TCHH: variants seen among roughly 807,000 people sequenced by gnomAD.
The protein encoded by TCHH is trichohyalin.
TCHH carries 6 observed loss-of-function variants against 6.3 expected under a neutral mutation model. The ratio of observed to expected loss-of-function variants is 0.95; its 90% CI spans 0.52 to 1.88. The LOEUF (loss-of-function observed/expected upper bound fraction) is 1.88. Among genes scored for constraint, TCHH ranks in the 40% most tolerant of loss-of-function variants. The probability of loss-of-function intolerance (pLI) is 0.01; values close to 1 mark genes in which losing one functional copy is unlikely to be tolerated. For synonymous variants in TCHH, 1,087 were observed against 963.6 expected (o/e 1.13, Z -2.37); for missense variants, 2,920 against 2,449.1 (o/e 1.19, Z -4.06).
In TCHH at chr1:152,112,488, C is replaced by G. The variant is rs1177710170; in HGVS notation, c.729G>C (p.Glu243Asp). The change falls in exon 3 of 3, where the codon GAG (glutamate) becomes GAC (aspartate). Residue 243 changes from glutamate to aspartate, a missense_variant. Glu to Asp is a conservative substitution (Grantham distance 45, BLOSUM62 2). Transcript: ENST00000614923. ...CTGTCTCGCGCTTCCTCCACTCTTT[C>G]TCTTCTTCCTCCTGGAACACTCTGT... ...RQDRVFQEEE[E>D]KEWRKRETVL... The G allele has an allele frequency of 3.7e-6, 6 of 1,613,480 alleles. No homozygotes were observed. The highest frequency in any genetic ancestry group is 2.7e-5 in the African/African-American group (2 of 74,864).
At chr1:152,114,822 G>A (rs1465801038) in intron 1 of TCHH, among the ~76,000 whole-genome samples, 1 of 152,210 alleles carries the variant, frequency 6.6e-6, no homozygotes, top group Non-Finnish European at 1.5e-5. Context: ...CTTCTGAGAG[G>A]TCCTTTCTAA....
chr1:152,112,955 C>G lies in TCHH; in HGVS notation c.262G>C (p.Ala88Pro). 1.9e-6 allele frequency: 3 copies of G among 1,614,012 alleles called. No homozygotes were observed. The highest frequency in any genetic ancestry group is 2.5e-6 in the Non-Finnish European group (3 of 1,180,026). The change falls in exon 3 of 3, where the codon GCT (alanine) becomes CCT (proline). Residue 88 changes from alanine to proline, a missense_variant. Ala to Pro is a conservative substitution (Grantham distance 27). Transcript: ENST00000614923. ...IFKVAQACYY[A>P]LGQATGLDEE... ...TCCAGTCCCGTGGCCTGGCCGAGAG[C>G]ATAGTAACAAGCTTGAGCCACTTTG...
rs748899185 is a variant in TCHH, at chr1:152,110,923, C to A, written c.2294G>T (p.Arg765Leu). The change falls in exon 3 of 3, where the codon CGG becomes CTG. Residue 765 changes from arginine (R) to leucine (L), a missense_variant. Physicochemically the swap from Arg to Leu is moderately radical, Grantham distance 102. Coordinates refer to ENST00000614923, the MANE Select transcript of TCHH (RefSeq NM_007113.4). ...HRQQQEEEQR[R>L]DFTWQWQAEE... Reference sequence around the variant, plus strand: ...CGCCTGCCACTGCCATGTGAAGTCCCGGCGCTGCTCCTCTTCCTGCTGCTG... The same window carrying A: ...CGCCTGCCACTGCCATGTGAAGTCCAGGCGCTGCTCCTCTTCCTGCTGCTG... 16 of 1,613,006 alleles carry A rather than the reference C, an allele frequency of 9.9e-6. No individual in the cohort carries two copies. The South Asian group carries it at 1.1e-4, about 11-fold the overall frequency.
In TCHH at chr1:152,109,208, TTCTG is replaced by T. The variant is rs761331359; in HGVS notation, c.4005_4008del (p.Asp1335GlufsTer88). ...AGCAGCTGTTCCTCCTCGCGGAATT[TTCTG>T]TCTGTCTCTTGACGGCGTCTCTTCT... On this transcript the variant is annotated frameshift_variant, in exon 3 of 3. Transcript: ENST00000614923. LOFTEE classifies it low-confidence loss of function (END_TRUNC). The T allele has an allele frequency of 2.8e-4, 459 of 1,614,232 alleles. 1 individual carries two copies. The highest frequency in any genetic ancestry group is 3.3e-4 in the Middle Eastern group (2 of 6,062).
chr1:152,109,642 C>G lies in TCHH; in HGVS notation c.3575G>C (p.Arg1192Pro), dbSNP rs1017322812. 7 of 1,610,230 alleles carry G rather than the reference C, an allele frequency of 4.3e-6. No homozygotes were observed. In the African/African-American group the frequency reaches 6.7e-5, roughly 15 times the overall value. The change falls in exon 3 of 3, where the codon CGC (arginine) becomes CCC (proline). Residue 1192 changes from arginine to proline, a missense_variant. By Grantham distance (103) the Arg-to-Pro change is moderately radical. Transcript: ENST00000614923. ...QLLREEQEKRRQERERQYREE... is the reference protein window; with the variant it reads ...QLLREEQEKRPQERERQYREE... ...CCGATACTGCCTCTCCCGCTCCTGG[C>G]GCCTTTTCTCCTGTTCCTCTCTCAG...
At position 152,111,834 on chromosome 1, in the gene TCHH, C is replaced by T. The variant is rs1379627455; in HGVS notation, c.1383G>A (p.Glu461=). Residue 461 remains glutamate, a synonymous_variant, in exon 3 of 3, where the codon GAG becomes GAA. Transcript: ENST00000614923. ...CCTGCTCGTGCCTCTCCGTCTCCTC[C>T]TCGCGCTTCAGCCAATCGCGCCTCT... ...QEERRDWLKR[E]EETERHEQER... is the part of the protein sequence containing the mutation. The T allele has an allele frequency of 1.2e-6, 2 of 1,603,568 alleles. No homozygotes were observed. The highest frequency in any genetic ancestry group is 2.3e-5 in the East Asian group (1 of 44,156).
intron 1 of TCHH, among the ~76,000 whole-genome samples, 151 bp downstream of exon 1, chr1:152,115,240 A>C (rs761080470): frequency 6.6e-6 from 1 of 152,232 alleles, no homozygotes; most frequent in Non-Finnish European, 1.5e-5. Context: ...AACCATAAGA[A>C]GATGGGATAG....
At position 152,108,707 on chromosome 1, in the gene TCHH, G is replaced by A. The variant is rs1658204952; in HGVS notation, c.4510C>T (p.Arg1504Cys). 9 of 1,610,538 alleles carry A rather than the reference G, an allele frequency of 5.6e-6. No individual in the cohort carries two copies. Among genetic ancestry groups the A allele is most frequent in the Non-Finnish European group, 7.6e-6 (9 of 1,179,302 alleles). The change falls in exon 3 of 3, where the codon CGC becomes TGC. Residue 1504 changes from arginine (R) to cysteine (C), a missense_variant. Physicochemically the swap from Arg to Cys is radical, Grantham distance 180. Coordinates refer to ENST00000614923, the MANE Select transcript of TCHH (RefSeq NM_007113.4). Reference protein sequence around the residue: ...LRRQERDRKFREQELRSQEPE... With the variant: ...LRRQERDRKFCEQELRSQEPE... Reference sequence around the variant, plus strand: ...TCCTGACTGCGCAGTTCCTGTTCGCGGAATTTTCTGTCACGCTCTTGGCGG... The same window carrying A: ...TCCTGACTGCGCAGTTCCTGTTCGCAGAATTTTCTGTCACGCTCTTGGCGG...
chr1:152,108,864 C>G lies in TCHH; in HGVS notation c.4353G>C (p.Glu1451Asp). ...GACGCTCCTGGCGCAGCTGCTGTTC[C>G]TCCTCCAGGAATTTTCTCTCTCGTT... ...RQERERKFLE[E>D]EQQLRQERHR... The change falls in exon 3 of 3, where the codon GAG (glutamate) becomes GAC (aspartate). Residue 1451 changes from glutamate to aspartate, a missense_variant. Glu to Asp is a conservative substitution (Grantham distance 45). Transcript: ENST00000614923. 1 of 1,605,476 alleles carries G rather than the reference C, an allele frequency of 6.2e-7. No homozygotes were observed. Among genetic ancestry groups the G allele is most frequent in the Non-Finnish European group, 8.5e-7 (1 of 1,177,016 alleles).
chr1:152,115,316 A>G (rs1438804907), intron 1 of TCHH, 75 bp downstream of exon 1: 1 of 152,216 alleles, frequency 6.6e-6, no homozygotes, highest in Non-Finnish European at 1.5e-5. Flanking sequence ...ACCTCCCCCC[A>G]TATCCCAACA....
Position 152,112,364 on chromosome 1 carries a change from C to A in TCHH, c.853G>T (p.Glu285Ter), listed in dbSNP as rs776307836. The change falls in exon 3 of 3, where the codon GAG becomes TAG. Residue 285 changes from glutamate (E) to a stop codon, truncating the protein, a stop_gained. Coordinates refer to ENST00000614923, the MANE Select transcript of TCHH (RefSeq NM_007113.4). LOFTEE classifies it low-confidence loss of function (END_TRUNC). ...TCCTCCTGGCGCTCCCTCCTCAGCTCTTGCCGCTCCAGCTTCCGTAGCTGC... is the reference window on the plus strand; with the variant it reads ...TCCTCCTGGCGCTCCCTCCTCAGCTATTGCCGCTCCAGCTTCCGTAGCTGC... Reference protein sequence around the residue: ...EEQLRKLERQELRRERQEEEQ... With the variant: ...EEQLRKLERQ The A allele has an allele frequency of 6.2e-6, 10 of 1,613,656 alleles. No individual in the cohort carries two copies. The highest frequency in any genetic ancestry group is 2.2e-5 in the East Asian group (1 of 44,836).
Position 152,111,074 on chromosome 1 carries a change from G to T in TCHH, c.2143C>A (p.Arg715=), listed in dbSNP as rs753438173. 3.1e-6 allele frequency: 5 copies of T among 1,613,438 alleles called. No homozygotes were observed. In the South Asian group the frequency reaches 5.5e-5, roughly 18 times the overall value. The part of the protein sequence containing the change: ...QWQLESEADA[R]QSKVYSRPRK... The stretch of plus-strand genomic sequence containing the variant: ...GGCCTCGAGTAGACTTTGCTTTGCC[G>T]TGCGTCGGCCTCGCTTTCTAGCTGC... Residue 715 remains arginine (R), a synonymous_variant, in exon 3 of 3, where the codon CGG becomes AGG. Transcript: ENST00000614923.
At position 152,111,440 on chromosome 1, in the gene TCHH, C is replaced by T. The variant is rs1375268557; in HGVS notation, c.1777G>A (p.Glu593Lys). ...CGCTGCTCGAGCCTCTCTTCCTGCT[C>T]GCGCTTCAGCCGCTGCTGGCGCCTC... ...EERRQQRLKR[E>K]QEERLEQRLK... Residue 593 changes from glutamate to lysine, a missense_variant, in exon 3 of 3, where the codon GAG (glutamate) becomes AAG (lysine). Coordinates refer to ENST00000614923, the MANE Select transcript of TCHH (RefSeq NM_007113.4). The T allele has an allele frequency of 9.3e-6, 15 of 1,604,866 alleles. No individual in the cohort carries two copies. Among genetic ancestry groups the T allele is most frequent in the African/African-American group, 2.8e-5 (2 of 72,060 alleles).
Position 152,109,292 on chromosome 1 carries a change from T to G in TCHH, c.3925A>C (p.Arg1309=), listed in dbSNP as rs749542792. The G allele has an allele frequency of 6.2e-7, 1 of 1,614,168 alleles. No individual in the cohort carries two copies. The highest frequency in any genetic ancestry group is 2.2e-5 in the East Asian group (1 of 44,858). ...LEREEQKEAK[R]RDRKSQEEKQ... is the part of the protein sequence containing the mutation. ...TCCTCTTGGGACTTCCTGTCGCGCC[T>G]TTTGGCTTCCTTTTGCTCTTCTCGC... Residue 1309 remains arginine (R), a synonymous_variant, in exon 3 of 3, where the codon AGG becomes CGG. Transcript: ENST00000614923.
chr1:152,107,933 G>A lies in TCHH; in HGVS notation c.5284C>T (p.Gln1762Ter). Reference protein sequence around the residue: ...EEQLRPEREEQQLRRQERDRK... With the variant: ...EEQLRPEREE ...TCGCGCTCCTGGCGGCGCAGCTGCTGTTCTTCCCTTTCCGGACGGAGCTGC... is the reference window on the plus strand; with the variant it reads ...TCGCGCTCCTGGCGGCGCAGCTGCTATTCTTCCCTTTCCGGACGGAGCTGC... The change falls in exon 3 of 3, where the codon CAG becomes TAG. Residue 1762 changes from glutamine (Q) to a stop codon, truncating the protein, a stop_gained. Coordinates refer to ENST00000614923, the MANE Select transcript of TCHH (RefSeq NM_007113.4). LOFTEE classifies it low-confidence loss of function (END_TRUNC). 1 of 1,613,808 alleles carries A rather than the reference G, an allele frequency of 6.2e-7. No individual in the cohort carries two copies. Among genetic ancestry groups the A allele is most frequent in the Non-Finnish European group, 8.5e-7 (1 of 1,179,958 alleles).
At position 152,111,755 on chromosome 1, in the gene TCHH, A is replaced by G. The variant is rs72477385; in HGVS notation, c.1462T>C (p.Trp488Arg). The G allele has an allele frequency of 9.9e-4, 1,311 of 1,322,936 alleles. 32 individuals carry two copies. In the East Asian group the frequency reaches 0.03, roughly 30 times the overall value. 81.9% of individuals were successfully genotyped at this position (1,322,936 alleles called of 1,614,324 possible). Reference sequence around the variant, plus strand: ...CTCTCCTCCTCCTCGAGCTTCAGCCAACGTTCGCGCCTCTCCTCCTCCTGG... The same window carrying G: ...CTCTCCTCCTCCTCGAGCTTCAGCCGACGTTCGCGCCTCTCCTCCTCCTGG... ...RDQEEERRER[W>R]LKLEEEERRE... is the part of the protein sequence containing the mutation. The change falls in exon 3 of 3, where the codon TGG (tryptophan) becomes CGG (arginine). Residue 488 changes from tryptophan to arginine, a missense_variant. Coordinates refer to ENST00000614923, the MANE Select transcript of TCHH (RefSeq NM_007113.4).
At position 152,114,028 on chromosome 1, in the gene TCHH, T is replaced by C. The variant is rs923568992; in HGVS notation, c.53A>G (p.Tyr18Cys). 8 of 1,613,676 alleles carry C rather than the reference T, an allele frequency of 5.0e-6. No individual in the cohort carries two copies. The African/African-American group carries it at 9.3e-5, about 19-fold the overall frequency. Reference protein sequence around the residue: ...ICDITEIFNQYVSHDCDGAAL... With the variant: ...ICDITEIFNQCVSHDCDGAAL... ...TGCTCCATCACAATCATGAGAGACA[T>C]ACTGATTGAAAATTTCAGTGATGTC... Residue 18 changes from tyrosine to cysteine, a missense_variant, in exon 2 of 3, where the codon TAT becomes TGT. Tyr to Cys is a radical substitution (Grantham distance 194). Coordinates refer to ENST00000614923, the MANE Select transcript of TCHH (RefSeq NM_007113.4).
In TCHH at chr1:152,111,123, C is replaced by T. The variant is rs1658325774; in HGVS notation, c.2094G>A (p.Lys698=). The change falls in exon 3 of 3, where the codon AAG becomes AAA. Residue 698 remains lysine (K), a synonymous_variant. Transcript: ENST00000614923. ...GCCACTGCCACTTCGGGATGCGGCT[C>T]TTAATCCGCTCCCGGGCCTGTTCCT... The part of the protein sequence containing the change: ...EEQEQARERI[K]SRIPKWQWQL... The T allele has an allele frequency of 6.2e-7, 1 of 1,613,780 alleles. No individual in the cohort carries two copies.
In TCHH at chr1:152,110,301, C is replaced by T; in HGVS notation, c.2916G>A (p.Gln972=). ...TCTTCTCCGGTTCCTCTCCCAGCAG[C>T]TGCTCTTCCTTCTGCTGCAGCTTCT... ...KDKKLQQKEE[Q]LLGEEPEKRR... The change falls in exon 3 of 3, where the codon CAG becomes CAA. Residue 972 remains glutamine, a synonymous_variant. Transcript: ENST00000614923. The T allele has an allele frequency of 6.2e-7, 1 of 1,611,730 alleles. No individual in the cohort carries two copies. Among genetic ancestry groups the T allele is most frequent in the Non-Finnish European group, 8.5e-7 (1 of 1,178,988 alleles).
Sources: allele counts gnomAD v4.1 joint callset (sites outside exome capture counted in the v4.1 genomes callset), GRCh38; gene constraint gnomAD v4.1.1; transcripts MANE v1.5; gene names NCBI Gene and HGNC (gene_info 2026-07-23, HGNC 2026-07-21).